The following CELF5 variants were observed in gnomAD, a reference collection of about 807,000 sequenced individuals.
CELF5 encodes CUGBP Elav-like family member 5, also known as CUG-BP and ETR-3 like factor 5.
A neutral mutation model predicts 54.9 loss-of-function variants in CELF5; 6 were observed. The observed-to-expected ratio is 0.11, with a 90% CI of 0.06 to 0.22. The LOEUF (loss-of-function observed/expected upper bound fraction) is 0.22. CELF5 is among the 10% of genes least tolerant of loss of function. The pLI, the probability that CELF5 is intolerant of heterozygous loss-of-function variation, is 1.00. For synonymous variants in CELF5, 271 were observed against 290.9 expected (o/e 0.93, Z 0.70); for missense variants, 401 against 678.6 (o/e 0.59, Z 4.54).
At chr19:3,296,467 AAG>A (rs1364540926) in intron 12 of CELF5, 5 of 136,612 alleles carry the variant, frequency 3.7e-5, no homozygotes, top group African/African-American at 5.2e-5. Context: ...GAAAAGAAAA[AAG>A]AAAAAAAAAT....
At chr19:3,253,758 C>T (rs1653964432) in intron 2 of CELF5, among the ~76,000 whole-genome samples, 1 of 152,174 alleles carries the variant, frequency 6.6e-6, no homozygotes, top group African/African-American at 2.4e-5. Context: ...AGACCCTGTG[C>T]TGTTGCCTAA....
intron 2 of CELF5, among the ~76,000 whole-genome samples, chr19:3,259,426 C>T (rs1299330257): frequency 3.3e-5 from 5 of 150,772 alleles, no homozygotes; most frequent in Admixed American, 3.3e-4. Flanking sequence ...AGCAATTCAA[C>T]CCCAATGTCC....
chr19:3,277,359 A>G (rs2086917), intron 4 of CELF5, among the ~76,000 whole-genome samples: 73,305 of 151,858 alleles, frequency 0.48, 19,328 homozygotes, highest in East Asian at 0.71. Flanking sequence ...TGTAATCCCA[A>G]CTACTCGGGA....
intron 1 of CELF5, among the ~76,000 whole-genome samples, chr19:3,246,402 G>GTA (rs367684678): frequency 4.4e-4 from 65 of 148,584 alleles, no homozygotes; most frequent in Admixed American, 7.4e-4. Context: ...TCTCTCATAT[G>GTA]TATATATATA....
At chr19:3,238,569 C>T (rs575413197) in intron 1 of CELF5, among the ~76,000 whole-genome samples, 1 of 152,294 alleles carries the variant, frequency 6.6e-6, no homozygotes, top group South Asian at 2.1e-4. Flanking sequence ...GTGTCCTTGG[C>T]TGATGGATGC....
chr19:3,287,027 T>G (rs1041999843), intron 10 of CELF5, among the ~76,000 whole-genome samples: 1 of 96,012 alleles, frequency 1.0e-5, no homozygotes, highest in Non-Finnish European at 2.0e-5. Flanking sequence ...AGAGCAAGAC[T>G]CCGTCTCAAA....
Position 3,296,763 on chromosome 19 carries a change from C to A in CELF5, c.*46C>A, listed in dbSNP as rs538279531. 1 of 152,156 alleles carries A rather than the reference C, an allele frequency of 6.6e-6. No individual in the cohort carries two copies. The highest frequency in any genetic ancestry group is 6.6e-5 in the Admixed American group (1 of 15,266). The allele number at this position is 152,156 out of a possible 1,614,324, so 9.4% of individuals were successfully genotyped here. On this transcript the variant is annotated 3_prime_UTR_variant, in exon 13 of 13. Coordinates refer to ENST00000292672, the MANE Select transcript of CELF5 (RefSeq NM_021938.4). ...TTTTATACTCCACATCGCAGACCTGCGTGATTTGTACAATGTACTTTATTT... is the reference window on the plus strand; with the variant it reads ...TTTTATACTCCACATCGCAGACCTGAGTGATTTGTACAATGTACTTTATTT...
chr19:3,232,757 C>T (rs1917328195), intron 1 of CELF5, among the ~76,000 whole-genome samples: 1 of 151,910 alleles, frequency 6.6e-6, no homozygotes, highest in African/African-American at 2.4e-5. Flanking sequence ...GCCTGGGCAA[C>T]ATAGCAAGAC....
Position 3,226,440 on chromosome 19 carries a change from T to TCACACACACACACACACACACA in CELF5, c.259+1457_259+1478dup, listed in dbSNP as rs71164666. 3.1e-3 allele frequency among the ~76,000 whole-genome samples: 369 copies of TCACACACACACACACACACACA among 118,954 alleles called. 2 individuals carry two copies. Among genetic ancestry groups the TCACACACACACACACACACACA allele is most frequent in the South Asian group, 5.0e-3 (16 of 3,214 alleles). 78.0% of individuals were successfully genotyped at this position (118,954 alleles called of 152,430 possible). A position where few individuals can be genotyped will look rare whatever the true frequency, so the allele number is the denominator to read the frequency against. On this transcript the variant is annotated intron_variant, in intron 1 of 12. Transcript: ENST00000292672. ...CCCCATCTCTTTTCAAAACCAACCA[T>TCACACACACACACACACACACA]CACACACACACACACACACACACAC...
chr19:3,228,107 AAGAGAG>A lies in CELF5; in HGVS notation c.259+3125_259+3130del, dbSNP rs528618840. 2.7e-5 allele frequency among the ~76,000 whole-genome samples: 4 copies of A among 149,180 alleles called. No homozygotes were observed. Among genetic ancestry groups the A allele is most frequent in the Admixed American group, 6.7e-5 (1 of 14,984 alleles). ...GCCCTGGGGCGCTGGGTTTGTTTTT[AAGAGAG>A]AGAGAGAGAGAGAGATGAGGACACA... On this transcript the variant is annotated intron_variant, in intron 1 of 12. Transcript: ENST00000292672. This position sits in a 1 kb window ranked among gnomAD's most constrained non-coding sequence, Gnocchi z 6.0.
At chr19:3,241,451 C>A (rs2079489407) in intron 1 of CELF5, among the ~76,000 whole-genome samples, 1 of 151,994 alleles carries the variant, frequency 6.6e-6, no homozygotes, top group Admixed American at 6.6e-5. Flanking sequence ...GCATTCTGAA[C>A]CATTGATCCC....
intron 2 of CELF5, among the ~76,000 whole-genome samples, chr19:3,264,540 C>T (rs1045419808): frequency 2.0e-5 from 3 of 151,604 alleles, no homozygotes; most frequent in South Asian, 2.1e-4. Context: ...CTCAGCCTCC[C>T]GAGTAGCTGG....
intron 1 of CELF5, among the ~76,000 whole-genome samples, chr19:3,246,433 G>A (rs1029476999): frequency 6.6e-6 from 1 of 151,908 alleles, no homozygotes; most frequent in Non-Finnish European, 1.5e-5. Flanking sequence ...GCTGGGTGCA[G>A]TGGCTTATGC....
chr19:3,234,189 T>C (rs1917411640), intron 1 of CELF5, among the ~76,000 whole-genome samples: 1 of 152,014 alleles, frequency 6.6e-6, no homozygotes, highest in Non-Finnish European at 1.5e-5. Context: ...GGGAGGTCAA[T>C]TCACCAGCTC....
intron 1 of CELF5, 51 bp downstream of exon 1, chr19:3,225,049 C>G: frequency 7.9e-7 from 1 of 1,264,646 alleles, no homozygotes; most frequent in South Asian, 1.5e-5. Context: ...CCTCCCACCC[C>G]ACCTTCCGGC....
intron 2 of CELF5, among the ~76,000 whole-genome samples, chr19:3,257,439 C>G (rs2079743703): frequency 6.6e-6 from 1 of 152,110 alleles, no homozygotes; most frequent in African/African-American, 2.4e-5. Context: ...GAGGAACGAT[C>G]TGGTTTGTTT....
chr19:3,230,314 C>T (rs897773555), intron 1 of CELF5, among the ~76,000 whole-genome samples: 4 of 152,058 alleles, frequency 2.6e-5, no homozygotes, highest in African/African-American at 9.7e-5. Context: ...TTTGAAGGAT[C>T]GACAGGAGCT....
chr19:3,290,100 C>T (rs984667338), intron 10 of CELF5, 131 bp from the exon 11 acceptor site: 1 of 658,912 alleles, frequency 1.5e-6, no homozygotes, highest in Admixed American at 2.8e-5. Context: ...CCCCTTCTTT[C>T]TGGGTGTCTG....
chr19:3,241,564 G>A (rs1178844111), intron 1 of CELF5, among the ~76,000 whole-genome samples: 1 of 152,020 alleles, frequency 6.6e-6, no homozygotes, highest in Non-Finnish European at 1.5e-5. Context: ...TGGGGCAGGT[G>A]TGTGGGGTGG....
Sources: allele counts gnomAD v4.1 joint callset (sites outside exome capture counted in the v4.1 genomes callset), GRCh38; gene constraint gnomAD v4.1.1; non-coding constraint Gnocchi (gnomAD v3.1); transcripts MANE v1.5; gene names NCBI Gene and HGNC (gene_info 2026-07-23, HGNC 2026-07-21).